The following VPS8 variants were observed in gnomAD, a reference collection of about 807,000 sequenced individuals.
The protein encoded by VPS8 is vacuolar protein sorting-associated protein 8 homolog.
Under a neutral mutation model 216.4 loss-of-function variants are expected in VPS8, and 129 were observed. That is an observed-to-expected ratio of 0.60 (90% CI 0.52 to 0.69). The LOEUF is 0.69. Ranked by LOEUF, VPS8 falls within the 30% of genes least tolerant of loss-of-function variation. VPS8 has a pLI of 0.00. For missense variants in VPS8, 1,531 were observed against 1,683.5 expected, an observed-to-expected ratio of 0.91 and a Z score of 1.59; for synonymous variants, 571 against 565.4, an observed-to-expected ratio of 1.01 and a Z score of -0.14.
chr3:185,044,704 C>A (rs1248007038), intron 46 of VPS8, among the ~76,000 whole-genome samples: 1 of 152,126 alleles, frequency 6.6e-6, no homozygotes, highest in Non-Finnish European at 1.5e-5. Flanking sequence ...GACTACTACT[C>A]TAAATGAATC....
In VPS8 at chr3:185,032,752, G is replaced by A. The variant is rs377104838; in HGVS notation, c.4056+8363G>A. ...GCAATCTCGGCTTACTGCAAGCTCC[G>A]CCTCCCGGGTTCATGGCATTCTCCT... On this transcript the variant is annotated intron_variant, in intron 46 of 47. Transcript: ENST00000625842. 1.4e-4 allele frequency among the ~76,000 whole-genome samples: 21 copies of A among 151,850 alleles called. No individual in the cohort carries two copies. The East Asian group carries it at 1.9e-3, about 14-fold the overall frequency.
intron 21 of VPS8, among the ~76,000 whole-genome samples, chr3:184,872,670 G>A (rs1312973311): frequency 6.6e-6 from 1 of 151,890 alleles, no homozygotes; most frequent in Non-Finnish European, 1.5e-5. Context: ...TAATGATTGG[G>A]GAAGTAGAAG....
intron 46 of VPS8, among the ~76,000 whole-genome samples, chr3:185,037,168 A>G (rs573411756): frequency 3.0e-4 from 46 of 152,154 alleles, no homozygotes; most frequent in African/African-American, 1.1e-3. Flanking sequence ...CTGCCTATCA[A>G]CAAATTCTCT....
chr3:184,901,946 T>C (rs1314747280), intron 25 of VPS8, among the ~76,000 whole-genome samples: 1 of 152,216 alleles, frequency 6.6e-6, no homozygotes, highest in Non-Finnish European at 1.5e-5. Flanking sequence ...CACTTGATAC[T>C]GTCAGTGTTT....
intron 25 of VPS8, among the ~76,000 whole-genome samples, chr3:184,910,206 T>C (rs555982359): frequency 6.7e-6 from 1 of 148,208 alleles, no homozygotes; most frequent in African/African-American, 2.5e-5. Flanking sequence ...CTATCTCGGC[T>C]CACTGCAAGC....
intron 45 of VPS8, among the ~76,000 whole-genome samples, chr3:185,008,979 G>C (rs7646202): frequency 6.6e-6 from 1 of 152,202 alleles, no homozygotes; most frequent in African/African-American, 2.4e-5. Flanking sequence ...TGTCTTGTTC[G>C]GTCAAGAGTT....
intron 1 of VPS8, chr3:184,824,224 T>C (rs1718223174): frequency 1.2e-5 from 2 of 165,316 alleles, no homozygotes; most frequent in Non-Finnish European, 2.7e-5. Flanking sequence ...TTTACCCTTA[T>C]GCTGTTAGGT....
intron 23 of VPS8, among the ~76,000 whole-genome samples, chr3:184,897,241 G>A (rs1211392565): frequency 1.3e-5 from 2 of 152,190 alleles, no homozygotes; most frequent in Non-Finnish European, 2.9e-5. Flanking sequence ...TCTGGCCAGA[G>A]ATGGTAACAG....
intron 45 of VPS8, among the ~76,000 whole-genome samples, chr3:185,017,689 G>GT (rs1756001808): frequency 6.6e-6 from 1 of 152,222 alleles, no homozygotes; most frequent in Non-Finnish European, 1.5e-5. Flanking sequence ...GGGACCTTTT[G>GT]CGGGGGTTCC....
At chr3:185,018,346 G>T (rs1211166654) in intron 45 of VPS8, among the ~76,000 whole-genome samples, 3 of 152,206 alleles carry the variant, frequency 2.0e-5, no homozygotes, top group Non-Finnish European at 4.4e-5. Flanking sequence ...ACTAAAGGAA[G>T]GATATTGTTC....
At chr3:184,839,478 T>C (rs1403392476) in intron 6 of VPS8, 3 of 497,252 alleles carry the variant, frequency 6.0e-6, no homozygotes, top group Non-Finnish European at 3.5e-6. Flanking sequence ...CATATGATAT[T>C]TTGATAGTGT....
At chr3:184,860,890 C>G (rs1391830808) in intron 15 of VPS8, among the ~76,000 whole-genome samples, 1 of 150,252 alleles carries the variant, frequency 6.7e-6, no homozygotes, top group Non-Finnish European at 1.5e-5. Context: ...GGTGCGATCT[C>G]GGCTCACTGC....
intron 21 of VPS8, chr3:184,882,553 A>G (rs182760409): frequency 3.2e-6 from 1 of 313,580 alleles, no homozygotes; most frequent in East Asian, 8.2e-5. Context: ...AGGTTTTTGT[A>G]TCAGGGTAAT....
At chr3:185,021,601 C>G (rs1338209025) in intron 45 of VPS8, among the ~76,000 whole-genome samples, 2 of 152,138 alleles carry the variant, frequency 1.3e-5, no homozygotes, top group Non-Finnish European at 2.9e-5. Flanking sequence ...GGAGTGAATT[C>G]CAGCGTATTA....
At chr3:185,024,801 A>T (rs902299359) in intron 46 of VPS8, among the ~76,000 whole-genome samples, 3 of 152,138 alleles carry the variant, frequency 2.0e-5, no homozygotes, top group Non-Finnish European at 4.4e-5. Context: ...TCAGGAGTTC[A>T]AGACCAGCCT....
At chr3:184,845,939 T>C (rs1016525389) in intron 8 of VPS8, among the ~76,000 whole-genome samples, 2 of 152,178 alleles carry the variant, frequency 1.3e-5, no homozygotes, top group Non-Finnish European at 2.9e-5. Flanking sequence ...CTTAGTAATA[T>C]TCAAGGGACA....
intron 22 of VPS8, among the ~76,000 whole-genome samples, chr3:184,886,525 A>G (rs1427915166): frequency 6.8e-6 from 1 of 147,334 alleles, no homozygotes. Flanking sequence ...ACACATACAC[A>G]TATACACACA....
At chr3:184,914,740 C>T (rs1219666778) in intron 26 of VPS8, among the ~76,000 whole-genome samples, 1 of 152,144 alleles carries the variant, frequency 6.6e-6, no homozygotes, top group African/African-American at 2.4e-5. Flanking sequence ...TCTTAGGAAA[C>T]ATACGAAGAA....
chr3:184,919,600 A>G (rs1008755126), intron 28 of VPS8, among the ~76,000 whole-genome samples: 1 of 152,154 alleles, frequency 6.6e-6, no homozygotes, highest in African/African-American at 2.4e-5. Flanking sequence ...CAGTGTTTTG[A>G]GAATAGTAAG....
Sources: gnomAD v4.1 joint callset for allele counts (sites outside exome capture counted in the v4.1 genomes callset) on GRCh38, gnomAD v4.1.1 for gene constraint, MANE v1.5 for transcripts, NCBI Gene and HGNC (gene_info 2026-07-23, HGNC 2026-07-21) for gene names.